Variants in RB1CC1 observed in about 807,000 individuals in gnomAD.
RB1CC1 encodes the protein RB1 inducible coiled-coil 1, also known as RB1-inducible coiled-coil protein 1.
Under a neutral mutation model 177.5 loss-of-function variants are expected in RB1CC1, and 46 were observed. The ratio of observed to expected loss-of-function variants is 0.26; its 90% confidence interval spans 0.20 to 0.33. The LOEUF (loss-of-function observed/expected upper bound fraction) is 0.33. Ranked by LOEUF, RB1CC1 falls within the 10% of genes least tolerant of loss-of-function variation. The pLI, the probability that RB1CC1 is intolerant of heterozygous loss-of-function variation, is 1.00. For synonymous variants in RB1CC1, 666 were observed against 613.6 expected (o/e 1.09, Z -1.26); for missense variants, 1,703 against 1,816.3 (o/e 0.94, Z 1.13).
At chr8:52,683,852 T>G (rs779344505) in intron 4 of RB1CC1, 35 bp downstream of exon 4, 1 of 1,604,180 alleles carries the variant, frequency 6.2e-7, no homozygotes, top group South Asian at 1.1e-5. Context: ...GTAAAGATGT[T>G]GCATTCTTGT....
At position 52,690,766 on chromosome 8, in the gene RB1CC1, C is replaced by T. The variant is rs192695948; in HGVS notation, c.-166-3799G>A. Among the ~76,000 whole-genome samples the T allele has an allele frequency of 7.6e-4, 115 of 152,232 alleles. 1 individual carries two copies. The highest frequency in any genetic ancestry group is 2.6e-3 in the African/African-American group (110 of 41,536). On this transcript the variant is annotated intron_variant, in intron 1 of 23. Coordinates refer to ENST00000025008, the MANE Select transcript of RB1CC1 (RefSeq NM_014781.5). ...TTACAAGAATAGTACAAAGAACTCC[C>T]GTCCCCCTTACTCAGATCACCAACT...
intron 1 of RB1CC1, among the ~76,000 whole-genome samples, chr8:52,705,270 G>A (rs1225787954): frequency 6.6e-6 from 1 of 152,128 alleles, no homozygotes. Flanking sequence ...AATAATGGTG[G>A]GATTTCAAAT....
intron 1 of RB1CC1, among the ~76,000 whole-genome samples, chr8:52,695,472 G>A (rs939485671): frequency 6.6e-5 from 10 of 152,310 alleles, no homozygotes; most frequent in African/African-American, 1.9e-4. Context: ...CTTCAGTCAC[G>A]TCAGTGTAGC....
At chr8:52,668,612 T>G (rs112777806) in intron 7 of RB1CC1, among the ~76,000 whole-genome samples, 13 of 152,286 alleles carry the variant, frequency 8.5e-5, no homozygotes, top group African/African-American at 3.1e-4. Context: ...TCTATTTCTA[T>G]CTCCTCAACG....
chr8:52,632,521 T>G (rs1359100707), intron 20 of RB1CC1, among the ~76,000 whole-genome samples: 2 of 152,212 alleles, frequency 1.3e-5, no homozygotes, highest in Non-Finnish European at 2.9e-5. Flanking sequence ...TCAACTTTAG[T>G]TTTTTAAAAG....
intron 15 of RB1CC1, among the ~76,000 whole-genome samples, chr8:52,649,108 A>T (rs1214087233): frequency 6.6e-6 from 1 of 152,198 alleles, no homozygotes; most frequent in African/African-American, 2.4e-5. Flanking sequence ...AAACCATAAG[A>T]GCGAAATCAC....
intron 15 of RB1CC1, among the ~76,000 whole-genome samples, chr8:52,646,913 G>A (rs1333241102): frequency 3.3e-5 from 5 of 152,072 alleles, no homozygotes; most frequent in Non-Finnish European, 7.4e-5. Context: ...ATTAAAACAT[G>A]CTAAGCCTCA....
intron 14 of RB1CC1, 27 bp downstream of exon 14, chr8:52,657,971 A>G: frequency 6.2e-7 from 1 of 1,613,462 alleles, no homozygotes; most frequent in Non-Finnish European, 8.5e-7. Context: ...ACTAATGAAG[A>G]AAACTGTTTG....
At position 52,668,002 on chromosome 8, in the gene RB1CC1, A is replaced by C; in HGVS notation, c.1173+19T>G. 1 of 1,587,012 alleles carries C rather than the reference A, an allele frequency of 6.3e-7. No individual in the cohort carries two copies. Among genetic ancestry groups the C allele is most frequent in the South Asian group, 1.1e-5 (1 of 87,188 alleles). On this transcript the variant is annotated intron_variant, in intron 8 of 23. Transcript: ENST00000025008. ...AAAACTATAAATTCCTTTTCCTGAG[A>C]AAAGTCTAAAATAGGTACCTGAGCA...
At position 52,656,828 on chromosome 8, in the gene RB1CC1, G is replaced by T. The variant is rs1461956845; in HGVS notation, c.3001C>A (p.Gln1001Lys). The T allele has an allele frequency of 7.4e-6, 12 of 1,613,548 alleles. No individual in the cohort carries two copies. Among genetic ancestry groups the T allele is most frequent in the Non-Finnish European group, 9.3e-6 (11 of 1,179,964 alleles). Residue 1001 changes from glutamine (Q) to lysine (K), a missense_variant, in exon 15 of 24, where the codon CAA (glutamine) becomes AAA (lysine). Gln to Lys is a moderately conservative substitution (Grantham distance 53, BLOSUM62 1). Coordinates refer to ENST00000025008, the MANE Select transcript of RB1CC1 (RefSeq NM_014781.5). The stretch of plus-strand genomic sequence containing the variant: ...TCTGTCATAACCTTCTCAAACTCTT[G>T]TATGTGCCTAACCTGAAGTGTGTCC... ...LEDTLQVRHIQEFEKVMTDHR... is the reference protein window; with the variant it reads ...LEDTLQVRHIKEFEKVMTDHR...
chr8:52,624,473 A>G (rs1848242881), intron 23 of RB1CC1, among the ~76,000 whole-genome samples: 1 of 151,992 alleles, frequency 6.6e-6, no homozygotes. Flanking sequence ...CAACAGTCAT[A>G]GAACACAGAC....
At chr8:52,671,971 G>T (rs1852644968) in intron 7 of RB1CC1, among the ~76,000 whole-genome samples, 1 of 152,006 alleles carries the variant, frequency 6.6e-6, no homozygotes, top group African/African-American at 2.4e-5. Context: ...CCAAATACAA[G>T]TTTGTATTTT....
In RB1CC1 at chr8:52,657,897, A is replaced by T. The variant is rs749112035; in HGVS notation, c.1932T>A (p.Ser644Arg). The T allele has an allele frequency of 6.2e-7, 1 of 1,613,376 alleles. No individual in the cohort carries two copies. Among genetic ancestry groups the T allele is most frequent in the Non-Finnish European group, 8.5e-7 (1 of 1,179,606 alleles). The stretch of plus-strand genomic sequence containing the variant: ...AAGAAGCAGACTGTGGGGATGTCTG[A>T]CTCACAGATGCCTGGAAAACAGAAA... ...DLLSEQKASVSQTSPQSASSP... is the reference protein window; with the variant it reads ...DLLSEQKASVRQTSPQSASSP... Residue 644 changes from serine (S) to arginine (R), a missense_variant, in exon 15 of 24, where the codon AGT (serine) becomes AGA (arginine). Around this residue, in one of 6 missense-constraint regions of RB1CC1, gnomAD observed 1,169 missense variants for 1,184.7 expected, o/e 0.99. Coordinates refer to ENST00000025008, the MANE Select transcript of RB1CC1 (RefSeq NM_014781.5).
chr8:52,631,134 AAGG>A (rs1229989822), intron 20 of RB1CC1, among the ~76,000 whole-genome samples: 2 of 152,194 alleles, frequency 1.3e-5, no homozygotes, highest in Non-Finnish European at 2.9e-5. Context: ...TTTGTGAGAA[AAGG>A]AGAAGGCAGA....
intron 15 of RB1CC1, among the ~76,000 whole-genome samples, chr8:52,652,614 G>A (rs981735140): frequency 5.3e-5 from 8 of 152,128 alleles, no homozygotes; most frequent in South Asian, 2.1e-4. Flanking sequence ...TTTTGAGAGC[G>A]TAAAAAGATA....
intron 15 of RB1CC1, among the ~76,000 whole-genome samples, chr8:52,650,325 C>A (rs1418730897): frequency 6.6e-6 from 1 of 152,214 alleles, no homozygotes; most frequent in Non-Finnish European, 1.5e-5. Flanking sequence ...AAGAGAGAGA[C>A]TCTGGAGGTG....
Position 52,687,803 on chromosome 8 carries a change from T to A in RB1CC1, c.-166-836A>T, listed in dbSNP as rs374594663. 1.4e-4 allele frequency among the ~76,000 whole-genome samples: 21 copies of A among 152,284 alleles called. 1 individual carries two copies. The highest frequency in any genetic ancestry group is 4.8e-4 in the African/African-American group (20 of 41,558). On this transcript the variant is annotated intron_variant, in intron 1 of 23. Transcript: ENST00000025008. Reference sequence around the variant, plus strand: ...CCAGTGAAGCCATGCCCAGAATCTATAAAATAATAGATTTATGTTGCTTCA... The same window carrying A: ...CCAGTGAAGCCATGCCCAGAATCTAAAAAATAATAGATTTATGTTGCTTCA...
intron 15 of RB1CC1, among the ~76,000 whole-genome samples, chr8:52,654,979 A>G (rs1199712175): frequency 6.6e-6 from 1 of 152,170 alleles, no homozygotes; most frequent in Non-Finnish European, 1.5e-5. Context: ...CCATACTGCA[A>G]TAGTGTCTGA....
chr8:52,691,733 C>T (rs1044339118), intron 1 of RB1CC1, among the ~76,000 whole-genome samples: 2 of 152,194 alleles, frequency 1.3e-5, no homozygotes, highest in Admixed American at 1.3e-4. Flanking sequence ...TCACTAACTG[C>T]CAGCTACCAA....
Sources: allele counts gnomAD v4.1 joint callset (sites outside exome capture counted in the v4.1 genomes callset), GRCh38; gene constraint gnomAD v4.1.1; regional missense constraint gnomAD v4.1.1; transcripts MANE v1.5; gene names NCBI Gene and HGNC (gene_info 2026-07-23, HGNC 2026-07-21).